RPS6KA2: variants seen among roughly 807,000 people sequenced by gnomAD.
The protein encoded by RPS6KA2 is ribosomal protein S6 kinase A2, also known as ribosomal protein S6 kinase alpha-2.
RPS6KA2 carries 42 observed loss-of-function variants against 91.8 expected under a neutral mutation model. That is an observed-to-expected ratio of 0.46 (90% CI 0.36 to 0.59). The LOEUF is 0.59. RPS6KA2 is among the 20% of genes least tolerant of loss of function. The probability of loss-of-function intolerance (pLI) is 0.00; values close to 1 mark genes in which losing one functional copy is unlikely to be tolerated. For synonymous variants in RPS6KA2, 414 were observed against 393.6 expected, an observed-to-expected ratio of 1.05 and a Z score of -0.61; for missense variants, 798 against 978.5, an observed-to-expected ratio of 0.82 and a Z score of 2.46.
chr6:166,591,327 G>A (rs1785347761), intron 1 of RPS6KA2, among the ~76,000 whole-genome samples: 1 of 152,192 alleles, frequency 6.6e-6, no homozygotes, highest in Non-Finnish European at 1.5e-5. Context: ...GTCACAGTGT[G>A]GCTGCTTCCG....
At chr6:166,471,992 C>T (rs1445971781) in intron 10 of RPS6KA2, among the ~76,000 whole-genome samples, 1 of 152,244 alleles carries the variant, frequency 6.6e-6, no homozygotes, top group Non-Finnish European at 1.5e-5. Context: ...AGTCTGACTT[C>T]CAAACAGCCC....
intron 2 of RPS6KA2, among the ~76,000 whole-genome samples, chr6:166,793,017 G>A (rs2128614808): frequency 6.6e-6 from 1 of 151,968 alleles, no homozygotes; most frequent in Admixed American, 6.6e-5. Flanking sequence ...CAATTAGGCA[G>A]GAGAAGGAAA....
chr6:166,861,454 C>A (rs1317607405), intron 1 of RPS6KA2, among the ~76,000 whole-genome samples: 1 of 152,204 alleles, frequency 6.6e-6, no homozygotes, highest in Admixed American at 6.5e-5. Flanking sequence ...AAATCAGATT[C>A]CGTGGAGCAG....
chr6:166,413,479 C>A (rs1406453364), intron 20 of RPS6KA2, among the ~76,000 whole-genome samples: 1 of 152,158 alleles, frequency 6.6e-6, no homozygotes, highest in Non-Finnish European at 1.5e-5. Flanking sequence ...CTACTGCTGC[C>A]TGAATGTAAG....
chr6:166,836,729 C>T (rs757561174), intron 2 of RPS6KA2, among the ~76,000 whole-genome samples: 1 of 152,174 alleles, frequency 6.6e-6, no homozygotes, highest in Non-Finnish European at 1.5e-5. Context: ...GGGCCAGTCT[C>T]GAGGACAGGT....
chr6:166,621,973 A>G (rs1786653355), intron 1 of RPS6KA2, among the ~76,000 whole-genome samples: 1 of 152,216 alleles, frequency 6.6e-6, no homozygotes, highest in Admixed American at 6.5e-5. Context: ...TATTTGCCCC[A>G]CATGTGAGAA....
At position 166,771,252 on chromosome 6, in the gene RPS6KA2, C is replaced by T. The variant is rs79869315; in HGVS notation, c.123+86948G>A. 3.4e-3 allele frequency among the ~76,000 whole-genome samples: 512 copies of T among 152,294 alleles called. 7 individuals are homozygous for T. The highest frequency in any genetic ancestry group is 0.012 in the African/African-American group (492 of 41,556). On this transcript the variant is annotated intron_variant, in intron 2 of 21. Transcript: ENST00000503859. Reference sequence around the variant, plus strand: ...TGCACAGCATTTATCTTCCAAGCCACGCATCAGTGACGAGCAGGCAAATGC... The same window carrying T: ...TGCACAGCATTTATCTTCCAAGCCATGCATCAGTGACGAGCAGGCAAATGC...
chr6:166,624,334 A>C (rs1263533321), intron 1 of RPS6KA2, among the ~76,000 whole-genome samples: 1 of 152,256 alleles, frequency 6.6e-6, no homozygotes, highest in Non-Finnish European at 1.5e-5. Context: ...TTTCTCATTC[A>C]TCCACACAGA....
In RPS6KA2 at chr6:166,711,914, C is replaced by CTGAT. The variant is rs1422547610; in HGVS notation, c.123+146282_123+146285dup. Among the ~76,000 whole-genome samples, 3 of 152,012 alleles carry CTGAT rather than the reference C, an allele frequency of 2.0e-5. No individual in the cohort carries two copies. In the East Asian group the frequency reaches 5.8e-4, roughly 29 times the overall value. On this transcript the variant is annotated intron_variant, in intron 2 of 21. Coordinates refer to the RPS6KA2 transcript ENST00000503859. ...TAAAATTGACAAATCTCTTGCAAGA[C>CTGAT]TGATTGACAGAGAGAGAGAGAGGAG...
At chr6:166,625,331 ACC>A (rs10583661) in intron 1 of RPS6KA2, among the ~76,000 whole-genome samples, 18,836 of 53,262 alleles carry the variant, frequency 0.35, 1,593 homozygotes, top group East Asian at 0.44. Flanking sequence ...CCACCCCCCC[ACC>A]CCCCCCCCCG....
Position 166,774,841 on chromosome 6 carries a change from C to A in RPS6KA2, c.123+83359G>T, listed in dbSNP as rs189527386. On this transcript the variant is annotated intron_variant, in intron 2 of 21. Coordinates refer to the RPS6KA2 transcript ENST00000503859. ...AAAACATCTCGCCCTTCTTTGAGAA[C>A]GCTGGCATGTGTGCTTCTTGTCTGT... Among the ~76,000 whole-genome samples the A allele has an allele frequency of 3.4e-4, 51 of 149,496 alleles. No individual in the cohort carries two copies. In the East Asian group the frequency reaches 9.3e-3, roughly 27 times the overall value.
intron 14 of RPS6KA2, among the ~76,000 whole-genome samples, chr6:166,447,927 TCTTTTG>T (rs3833982): frequency 0.26 from 39,592 of 151,946 alleles, 5,314 homozygotes; most frequent in Middle Eastern, 0.35. Context: ...TCTCTTGCTG[TCTTTTG>T]GAGAGGATGT....
intron 11 of RPS6KA2, among the ~76,000 whole-genome samples, chr6:166,467,399 A>T (rs1780581752): frequency 6.6e-6 from 1 of 152,236 alleles, no homozygotes; most frequent in Non-Finnish European, 1.5e-5. Context: ...TACATCAGAA[A>T]CACATGGTAT....
upstream of RPS6KA2, chr6:166,627,970 G>T (rs1786959484): frequency 6.6e-6 from 1 of 152,112 alleles, no homozygotes; most frequent in Admixed American, 6.5e-5. Flanking sequence ...CGCCGGAGCG[G>T]ACAAAGGCGC....
chr6:166,712,429 G>A (rs879129997), intron 2 of RPS6KA2, among the ~76,000 whole-genome samples: 1 of 152,220 alleles, frequency 6.6e-6, no homozygotes, highest in Admixed American at 6.5e-5. Context: ...AACAGAGGAC[G>A]ACTAAGGATC....
chr6:166,589,381 T>C (rs1785285709), intron 1 of RPS6KA2, among the ~76,000 whole-genome samples: 1 of 152,230 alleles, frequency 6.6e-6, no homozygotes, highest in Admixed American at 6.5e-5. Flanking sequence ...TGTGAGCACT[T>C]GTTCTAAATT....
intron 2 of RPS6KA2, among the ~76,000 whole-genome samples, chr6:166,661,150 G>C (rs1446227580): frequency 6.6e-6 from 1 of 151,434 alleles, no homozygotes; most frequent in East Asian, 1.9e-4. Context: ...GCCCAGCCTG[G>C]AGTGCAGTGG....
intron 2 of RPS6KA2, among the ~76,000 whole-genome samples, chr6:166,745,510 C>A (rs909085872): frequency 1.3e-5 from 2 of 152,148 alleles, no homozygotes; most frequent in African/African-American, 4.8e-5. Context: ...ACCTTCAAGA[C>A]CATTTTACCT....
chr6:166,527,693 G>A (rs190024982), intron 3 of RPS6KA2, among the ~76,000 whole-genome samples: 1 of 152,272 alleles, frequency 6.6e-6, no homozygotes, highest in East Asian at 1.9e-4. Flanking sequence ...CTCCAGACCT[G>A]TCTGCACTCA....
Sources: gnomAD v4.1 joint callset for allele counts (sites outside exome capture counted in the v4.1 genomes callset) on GRCh38, gnomAD v4.1.1 for gene constraint, MANE v1.5 for transcripts, NCBI Gene and HGNC (gene_info 2026-07-23, HGNC 2026-07-21) for gene names.